The following STARD13 variants were observed in gnomAD, a reference collection of about 807,000 sequenced individuals.
STARD13 encodes the protein stAR-related lipid transfer protein 13.
STARD13 carries 62 observed loss-of-function variants against 106.4 expected under a neutral mutation model. The observed-to-expected ratio is 0.58, with a 90% confidence interval of 0.48 to 0.72. The LOEUF is 0.72. STARD13 is among the 30% of genes least tolerant of loss of function. STARD13 has a pLI of 0.00. For synonymous variants in STARD13, 565 were observed against 553.0 expected (o/e 1.02, Z -0.31); for missense variants, 1,387 against 1,424.0 (o/e 0.97, Z 0.42).
At chr13:33,545,734 A>G in the STARD13 span, among the ~76,000 whole-genome samples, 2 of 151,986 alleles carry the variant, frequency 1.3e-5, no homozygotes, top group African/African-American at 2.4e-5. Context: ...CCTCCCTCCT[A>G]TCGATTTTCT....
At chr13:33,420,683 A>T in the STARD13 span, among the ~76,000 whole-genome samples, 1 of 152,240 alleles carries the variant, frequency 6.6e-6, no homozygotes, top group African/African-American at 2.4e-5. Context: ...ACTTATTATA[A>T]AATTGACCAC....
At chr13:33,313,647 A>G (rs1399195147) in intron 1 of STARD13, among the ~76,000 whole-genome samples, 1 of 152,162 alleles carries the variant, frequency 6.6e-6, no homozygotes, top group East Asian at 1.9e-4. Context: ...AGCTGCATGT[A>G]GCACAATTCC....
the STARD13 span, among the ~76,000 whole-genome samples, chr13:33,574,510 A>C: frequency 2.0e-5 from 3 of 152,172 alleles, no homozygotes; most frequent in African/African-American, 4.8e-5. Context: ...CCCAGGTGGG[A>C]GGATTACTTG....
At chr13:33,118,926 G>C (rs1394408137) in intron 7 of STARD13, among the ~76,000 whole-genome samples, 1 of 152,098 alleles carries the variant, frequency 6.6e-6, no homozygotes, top group Non-Finnish European at 1.5e-5. Context: ...GTAAGCTATG[G>C]CTCTAGTGAG....
At chr13:33,264,464 T>C (rs1354973588) in intron 1 of STARD13, among the ~76,000 whole-genome samples, 1 of 152,166 alleles carries the variant, frequency 6.6e-6, no homozygotes, top group Non-Finnish European at 1.5e-5. Context: ...AGCCAGGGAA[T>C]GAGTCTGCCA....
At chr13:33,186,133 A>T in intron 1 of STARD13, 1 of 1,345,896 alleles carries the variant, frequency 7.4e-7, no homozygotes, top group East Asian at 2.5e-5. Context: ...GCGAAGCCTC[A>T]GCTGAGATTC....
intron 1 of STARD13, among the ~76,000 whole-genome samples, chr13:33,336,013 C>T (rs150680185): frequency 6.6e-6 from 1 of 152,068 alleles, no homozygotes; most frequent in East Asian, 1.9e-4. Flanking sequence ...ACTCAGCAAG[C>T]ATTCATTGTG....
chr13:33,110,146 T>G (rs1786195292), intron 11 of STARD13, 56 bp from the exon 12 acceptor site: 2 of 1,536,370 alleles, frequency 1.3e-6, no homozygotes, highest in South Asian at 2.3e-5. Context: ...GGGTCCAACA[T>G]TTTTTGTTTG....
the STARD13 span, among the ~76,000 whole-genome samples, chr13:33,546,992 T>C: frequency 6.6e-6 from 1 of 152,222 alleles, no homozygotes; most frequent in Non-Finnish European, 1.5e-5. Context: ...TGTTGAAATA[T>C]ATTTAACTTT....
At chr13:33,238,410 A>G (rs2138236735) in intron 1 of STARD13, among the ~76,000 whole-genome samples, 1 of 152,318 alleles carries the variant, frequency 6.6e-6, no homozygotes, top group South Asian at 2.1e-4. Context: ...GATTTGGGGA[A>G]AATGAATATA....
chr13:33,505,779 T>C, the STARD13 span, among the ~76,000 whole-genome samples: 7 of 152,210 alleles, frequency 4.6e-5, no homozygotes, highest in African/African-American at 1.7e-4. Flanking sequence ...TGCTCATGAG[T>C]CCTTTTATGG....
chr13:33,472,715 A>C, the STARD13 span, among the ~76,000 whole-genome samples: 165 of 152,310 alleles, frequency 1.1e-3, 1 homozygote, highest in African/African-American at 4.0e-3. Flanking sequence ...ATCATGCAGC[A>C]AAAATGCACC....
the STARD13 span, among the ~76,000 whole-genome samples, chr13:33,652,455 A>G: frequency 6.6e-6 from 1 of 152,208 alleles, no homozygotes; most frequent in African/African-American, 2.4e-5. Flanking sequence ...AACAATAAAC[A>G]TCATTGAAAG....
chr13:33,384,288 C>T, the STARD13 span, among the ~76,000 whole-genome samples: 10 of 152,120 alleles, frequency 6.6e-5, no homozygotes, highest in East Asian at 1.9e-4. Flanking sequence ...GGCTGTTGAA[C>T]GGAAATCCTT....
intron 1 of STARD13, among the ~76,000 whole-genome samples, chr13:33,326,151 GAAC>G (rs1254330704): frequency 7.2e-5 from 11 of 152,004 alleles, no homozygotes; most frequent in Admixed American, 2.6e-4. Flanking sequence ...CTTCCTTTCA[GAAC>G]AACTGTAAAA....
chr13:33,556,099 A>G, the STARD13 span, among the ~76,000 whole-genome samples: 1 of 152,236 alleles, frequency 6.6e-6, no homozygotes, highest in Non-Finnish European at 1.5e-5. Context: ...GGCATTTTGC[A>G]CAATGTAATG....
chr13:33,329,655 ATGTGTGTG>A (rs34427794), intron 1 of STARD13, among the ~76,000 whole-genome samples: 1 of 144,252 alleles, frequency 6.9e-6, no homozygotes, highest in Non-Finnish European at 1.5e-5. Flanking sequence ...GTGTGTGTGT[ATGTGTGTG>A]TGTGTGTGTG....
chr13:33,500,740 T>C, the STARD13 span, among the ~76,000 whole-genome samples: 1 of 152,188 alleles, frequency 6.6e-6, no homozygotes, highest in Non-Finnish European at 1.5e-5. Context: ...ATTATTAAAG[T>C]AGAACCAACT....
At chr13:33,345,212 T>C (rs2078005236), downstream of STARD13, among the ~76,000 whole-genome samples, 1 of 152,232 alleles carries the variant, frequency 6.6e-6, no homozygotes, top group African/African-American at 2.4e-5. Flanking sequence ...TGGCTGTTTG[T>C]TTGTTTCAAA....
Sources: gnomAD v4.1 joint callset for allele counts (sites outside exome capture counted in the v4.1 genomes callset) on GRCh38, gnomAD v4.1.1 for gene constraint, MANE v1.5 for transcripts, NCBI Gene and HGNC (gene_info 2026-07-23, HGNC 2026-07-21) for gene names.